Variants in PLA2G4A observed in about 807,000 individuals in gnomAD.
PLA2G4A encodes cytosolic phospholipase A2.
PLA2G4A carries 40 observed loss-of-function variants against 81.9 expected under a neutral mutation model. The ratio of observed to expected loss-of-function variants is 0.49; its 90% CI spans 0.38 to 0.64. The LOEUF is 0.64. PLA2G4A is among the 30% of genes least tolerant of loss of function. The pLI is 0.00. For missense variants in PLA2G4A, 715 were observed against 905.1 expected (o/e 0.79, Z 2.69); for synonymous variants, 302 against 296.9 (o/e 1.02, Z -0.18).
At chr1:186,871,694 A>C (rs1653277668) in intron 3 of PLA2G4A, among the ~76,000 whole-genome samples, 1 of 152,166 alleles carries the variant, frequency 6.6e-6, no homozygotes, top group Non-Finnish European at 1.5e-5. Flanking sequence ...GACTAGGATG[A>C]TAAGCCCTGG....
intron 7 of PLA2G4A, among the ~76,000 whole-genome samples, chr1:186,919,889 G>T (rs780136517): frequency 6.6e-5 from 10 of 152,166 alleles, no homozygotes; most frequent in South Asian, 2.1e-4. Context: ...CAGGCAGGAG[G>T]GGGGGTGTTC....
At chr1:186,988,214 G>A (rs1657952112) in intron 17 of PLA2G4A, among the ~76,000 whole-genome samples, 163 bp from the exon 18 acceptor site, 1 of 151,992 alleles carries the variant, frequency 6.6e-6, no homozygotes, top group Admixed American at 6.6e-5. Flanking sequence ...GTGCAGTGGT[G>A]GGATGTTGAA....
At position 186,854,395 on chromosome 1, in the gene PLA2G4A, A is replaced by G; in HGVS notation, c.33+8A>G. The stretch of plus-strand genomic sequence containing the variant: ...CCTTACCAGCACATTATAGTAAGTC[A>G]TTCACTGTTTATGAATTCTTTCTTG... On this transcript the variant is annotated splice_region_variant and intron_variant, in intron 2 of 17. Transcript: ENST00000367466. The G allele has an allele frequency of 1.3e-6, 2 of 1,540,472 alleles. No homozygotes were observed. The highest frequency in any genetic ancestry group is 1.8e-6 in the Non-Finnish European group (2 of 1,113,388).
At chr1:186,956,504 T>TTG (rs1557891580) in intron 14 of PLA2G4A, among the ~76,000 whole-genome samples, 160 bp downstream of exon 14, 77 of 152,166 alleles carry the variant, frequency 5.1e-4, no homozygotes, top group Admixed American at 2.7e-3. Context: ...GGGTTTTTTT[T>TTG]TTGTTGTTGT....
At chr1:186,834,788 G>A (rs910348706) in intron 1 of PLA2G4A, among the ~76,000 whole-genome samples, 4 of 152,098 alleles carry the variant, frequency 2.6e-5, no homozygotes, top group Non-Finnish European at 2.9e-5. Context: ...CAGGTTGGTC[G>A]TAGAGAATTT....
chr1:186,842,020 C>A (rs997224639), intron 1 of PLA2G4A, among the ~76,000 whole-genome samples: 1 of 150,838 alleles, frequency 6.6e-6, no homozygotes, highest in African/African-American at 2.4e-5. Flanking sequence ...TCTTCACCAT[C>A]CTAGTTGAGA....
intron 3 of PLA2G4A, among the ~76,000 whole-genome samples, chr1:186,879,696 T>C (rs150875689): frequency 2.0e-3 from 309 of 152,054 alleles, no homozygotes; most frequent in African/African-American, 7.1e-3. Context: ...AAGTGTTTCT[T>C]AAATAAACAA....
chr1:186,973,649 C>T (rs1657435401), intron 15 of PLA2G4A, among the ~76,000 whole-genome samples: 1 of 152,126 alleles, frequency 6.6e-6, no homozygotes, highest in African/African-American at 2.4e-5. Context: ...GGTAACATCC[C>T]TGTGAATAAC....
chr1:186,970,115 A>G (rs1393383173), intron 15 of PLA2G4A, among the ~76,000 whole-genome samples: 2 of 151,972 alleles, frequency 1.3e-5, no homozygotes, highest in African/African-American at 4.8e-5. Flanking sequence ...TAACTGGGGT[A>G]AGGTTGAATC....
chr1:186,838,684 T>C (rs1027267973), intron 1 of PLA2G4A, among the ~76,000 whole-genome samples: 6 of 152,232 alleles, frequency 3.9e-5, no homozygotes, highest in African/African-American at 1.4e-4. Flanking sequence ...TTTGAAGTTC[T>C]GAATGATTAA....
At chr1:186,983,820 T>C (rs1291758190) in intron 17 of PLA2G4A, among the ~76,000 whole-genome samples, 1 of 152,210 alleles carries the variant, frequency 6.6e-6, no homozygotes, top group Non-Finnish European at 1.5e-5. Context: ...ATCCTTGCTC[T>C]GCGGCCTCTT....
At chr1:186,921,948 A>G (rs1376369179) in intron 7 of PLA2G4A, among the ~76,000 whole-genome samples, 1 of 152,174 alleles carries the variant, frequency 6.6e-6, no homozygotes, top group Non-Finnish European at 1.5e-5. Flanking sequence ...CCTTTGACAC[A>G]GGGACCTGTC....
chr1:186,934,489 G>T (rs1156955684), intron 8 of PLA2G4A, among the ~76,000 whole-genome samples: 26 of 92,862 alleles, frequency 2.8e-4, no homozygotes, highest in African/African-American at 1.3e-3. Flanking sequence ...GTAATTAAAA[G>T]GATTTTAAAT....
At chr1:186,960,212 T>G (rs895256197) in intron 14 of PLA2G4A, among the ~76,000 whole-genome samples, 2 of 152,180 alleles carry the variant, frequency 1.3e-5, no homozygotes, top group African/African-American at 4.8e-5. Flanking sequence ...CTGTTTACTT[T>G]TGTGTTTATC....
chr1:186,879,299 G>T (rs1453602031), intron 3 of PLA2G4A, among the ~76,000 whole-genome samples: 1 of 151,972 alleles, frequency 6.6e-6, no homozygotes, highest in African/African-American at 2.4e-5. Context: ...ACTTCGAAAT[G>T]AAATATTAAA....
At chr1:186,987,770 A>T (rs1196067251) in intron 17 of PLA2G4A, among the ~76,000 whole-genome samples, 1 of 152,190 alleles carries the variant, frequency 6.6e-6, no homozygotes, top group Non-Finnish European at 1.5e-5. Flanking sequence ...GGTTACCATT[A>T]ACATGGGTAT....
At chr1:186,856,320 G>T (rs1024372749) in intron 2 of PLA2G4A, among the ~76,000 whole-genome samples, 1 of 150,388 alleles carries the variant, frequency 6.6e-6, no homozygotes, top group Non-Finnish European at 1.5e-5. Context: ...TATTTTATAT[G>T]TATTTTTTGA....
intron 2 of PLA2G4A, among the ~76,000 whole-genome samples, chr1:186,865,102 AT>A (rs1254022339): frequency 2.0e-5 from 3 of 148,636 alleles, no homozygotes; most frequent in Non-Finnish European, 4.5e-5. Flanking sequence ...ATATATATAT[AT>A]ATAAAATATA....
Position 186,988,652 on chromosome 1 carries a change from G to C in PLA2G4A, c.*144G>C. ...CAAAGTTGCAGTTACTTAGCTGCAT[G>C]AGAATAATACTATTATAAGTTAGGT... is the stretch of plus-strand genomic sequence containing the variant. On this transcript the variant is annotated 3_prime_UTR_variant, in exon 18 of 18. Transcript: ENST00000367466. The C allele has an allele frequency of 2.9e-6, 2 of 692,280 alleles. No homozygotes were observed. Among genetic ancestry groups the C allele is most frequent in the Non-Finnish European group, 5.3e-6 (2 of 379,004 alleles). The allele number at this position is 692,280 out of a possible 1,614,324, so 42.9% of individuals were successfully genotyped here. A position where few individuals can be genotyped will look rare whatever the true frequency, so the allele number is the denominator to read the frequency against.
Sources: gnomAD v4.1 joint callset for allele counts (sites outside exome capture counted in the v4.1 genomes callset) on GRCh38, gnomAD v4.1.1 for gene constraint, MANE v1.5 for transcripts, NCBI Gene and HGNC (gene_info 2026-07-23, HGNC 2026-07-21) for gene names.